The following COL19A1 variants were observed in gnomAD, a reference collection of about 807,000 sequenced individuals.
COL19A1 encodes collagen type XIX alpha 1 chain.
In COL19A1, 159 loss-of-function variants were observed where a neutral mutation model predicts 190.2. The observed-to-expected ratio is 0.84, with a 90% confidence interval of 0.73 to 0.95. The LOEUF is 0.95. Ranked by LOEUF, COL19A1 falls within the 40% of genes least tolerant of loss-of-function variation. The pLI, the probability that COL19A1 is intolerant of heterozygous loss-of-function variation, is 0.00. For synonymous variants in COL19A1, 509 were observed against 458.9 expected (o/e 1.11, Z -1.39); for missense variants, 1,418 against 1,431.9 (o/e 0.99, Z 0.16).
At chr6:70,101,530 T>C (rs1381518682) in intron 15 of COL19A1, among the ~76,000 whole-genome samples, 1 of 152,154 alleles carries the variant, frequency 6.6e-6, no homozygotes, top group Non-Finnish European at 1.5e-5. Context: ...ACTTCACTTA[T>C]AAAAACAGCT....
intron 11 of COL19A1, among the ~76,000 whole-genome samples, chr6:69,963,476 G>A (rs528510207): frequency 1.1e-4 from 16 of 152,248 alleles, no homozygotes; most frequent in African/African-American, 3.6e-4. Context: ...TGTGGCCAAG[G>A]CTGGAGACAG....
At chr6:70,127,600 A>G (rs1011032783) in intron 17 of COL19A1, among the ~76,000 whole-genome samples, 17 of 152,202 alleles carry the variant, frequency 1.1e-4, no homozygotes, top group African/African-American at 3.9e-4. Flanking sequence ...GGCAATTTAC[A>G]AAAGGAAAAC....
At chr6:69,869,036 GAA>G (rs34233318) in intron 1 of COL19A1, among the ~76,000 whole-genome samples, 19 of 148,772 alleles carry the variant, frequency 1.3e-4, no homozygotes, top group Admixed American at 2.0e-4. Context: ...AAAGATGCTG[GAA>G]AAAAAAAAAA....
intron 4 of COL19A1, among the ~76,000 whole-genome samples, chr6:69,925,948 CTT>C (rs780018342): frequency 2.6e-5 from 4 of 152,304 alleles, no homozygotes; most frequent in Non-Finnish European, 4.4e-5. Context: ...TATCCTGAGA[CTT>C]TGCTGAAGTT....
chr6:69,959,014 G>A (rs1023994858), intron 9 of COL19A1, among the ~76,000 whole-genome samples: 21 of 152,116 alleles, frequency 1.4e-4, no homozygotes, highest in South Asian at 4.1e-4. Context: ...AATTGTTAGC[G>A]TATTTTGAGC....
intron 4 of COL19A1, among the ~76,000 whole-genome samples, chr6:69,921,481 T>TATATATTCATATATATTCATATATTC (rs1554166285): frequency 1.2e-5 from 1 of 86,434 alleles, no homozygotes; most frequent in Admixed American, 1.4e-4. Context: ...CATATATTCA[T>TATATATTCATATATATTCATATATTC]ATATATTCAT....
chr6:69,871,903 G>A (rs192866226), intron 1 of COL19A1, among the ~76,000 whole-genome samples: 11 of 142,608 alleles, frequency 7.7e-5, no homozygotes, highest in Admixed American at 1.5e-4. Context: ...TGCAACCTCC[G>A]CCTCCCAGGT....
intron 1 of COL19A1, among the ~76,000 whole-genome samples, chr6:69,872,202 A>G (rs1204477778): frequency 6.6e-6 from 1 of 152,114 alleles, no homozygotes; most frequent in Non-Finnish European, 1.5e-5. Flanking sequence ...CAAAGAAAAC[A>G]TGATGTTTGT....
At chr6:70,144,522 A>G (rs1360372435) in intron 24 of COL19A1, among the ~76,000 whole-genome samples, 2 of 152,216 alleles carry the variant, frequency 1.3e-5, no homozygotes, top group African/African-American at 4.8e-5. Context: ...ATCCTGGTAT[A>G]AACCTAAGAA....
intron 11 of COL19A1, among the ~76,000 whole-genome samples, chr6:70,018,578 A>G (rs1778246315): frequency 6.6e-6 from 1 of 152,270 alleles, no homozygotes; most frequent in African/African-American, 2.4e-5. Context: ...GGGGGCTGAT[A>G]GACATTGTCT....
intron 49 of COL19A1, among the ~76,000 whole-genome samples, chr6:70,205,394 T>C (rs534901175): frequency 6.6e-6 from 1 of 152,328 alleles, no homozygotes; most frequent in Admixed American, 6.5e-5. Context: ...ATACATACTG[T>C]TCATAGGGAG....
chr6:70,141,419 T>A (rs1786242513), intron 20 of COL19A1, among the ~76,000 whole-genome samples: 1 of 152,084 alleles, frequency 6.6e-6, no homozygotes, highest in South Asian at 2.1e-4. Flanking sequence ...GCCAGTATCA[T>A]CCTCTTTTGT....
At chr6:70,195,860 T>C (rs538400492) in intron 48 of COL19A1, among the ~76,000 whole-genome samples, 27 of 152,352 alleles carry the variant, frequency 1.8e-4, no homozygotes, top group African/African-American at 6.5e-4. Context: ...CGTCTGGTTC[T>C]TAACTTCCAA....
At chr6:69,966,214 G>T (rs534640532) in intron 11 of COL19A1, among the ~76,000 whole-genome samples, 3,478 of 152,146 alleles carry the variant, frequency 0.023, 126 homozygotes, top group African/African-American at 0.077. Flanking sequence ...CTGCCCGGCC[G>T]CCCCGTCTGG....
At chr6:70,050,878 G>A (rs751704570) in intron 14 of COL19A1, among the ~76,000 whole-genome samples, 16 of 152,070 alleles carry the variant, frequency 1.1e-4, no homozygotes, top group Non-Finnish European at 2.1e-4. Context: ...ATGAACAAAA[G>A]CTTTATATAG....
intron 11 of COL19A1, among the ~76,000 whole-genome samples, chr6:69,989,149 G>A (rs1047247652): frequency 3.3e-5 from 5 of 151,940 alleles, no homozygotes; most frequent in African/African-American, 9.7e-5. Flanking sequence ...ATTACATACC[G>A]CTAAGTTTTT....
chr6:69,920,524 G>C (rs900931872), intron 4 of COL19A1, among the ~76,000 whole-genome samples: 11 of 152,186 alleles, frequency 7.2e-5, no homozygotes, highest in African/African-American at 2.4e-4. Flanking sequence ...TCAGAGGCCA[G>C]TGTGAAGTGG....
intron 17 of COL19A1, among the ~76,000 whole-genome samples, chr6:70,122,763 T>C (rs1784956084): frequency 6.6e-6 from 1 of 152,190 alleles, no homozygotes; most frequent in African/African-American, 2.4e-5. Context: ...TACTCCTCTT[T>C]GTTTAGAAAT....
intron 15 of COL19A1, chr6:70,098,364 A>C: frequency 2.0e-6 from 1 of 496,276 alleles, no homozygotes; most frequent in Non-Finnish European, 4.0e-6. Context: ...CAGAACATTT[A>C]TTGTGTGACT....
Sources: gnomAD v4.1 joint callset for allele counts (sites outside exome capture counted in the v4.1 genomes callset) on GRCh38, gnomAD v4.1.1 for gene constraint, MANE v1.5 for transcripts, NCBI Gene and HGNC (gene_info 2026-07-23, HGNC 2026-07-21) for gene names.